Variants in CCDC88C observed in about 807,000 individuals in gnomAD.
CCDC88C encodes the protein protein Daple.
CCDC88C carries 131 observed loss-of-function variants against 198.8 expected under a neutral mutation model. The observed-to-expected ratio is 0.66, with a 90% CI of 0.57 to 0.76. The LOEUF is 0.76. CCDC88C is among the 30% of genes least tolerant of loss of function. CCDC88C has a pLI of 0.00. For synonymous variants in CCDC88C, 1,166 were observed against 1,114.7 expected (o/e 1.05, Z -0.92); for missense variants, 2,553 against 2,631.6 (o/e 0.97, Z 0.65).
chr14:91,367,582 C>G (rs1329644462), intron 3 of CCDC88C, among the ~76,000 whole-genome samples: 1 of 152,140 alleles, frequency 6.6e-6, no homozygotes, highest in African/African-American at 2.4e-5. Context: ...GCAGAGAACT[C>G]TCGGCCTGTC....
chr14:91,376,998 C>T (rs1027406063), intron 3 of CCDC88C, among the ~76,000 whole-genome samples: 4 of 151,912 alleles, frequency 2.6e-5, no homozygotes, highest in South Asian at 2.1e-4. Flanking sequence ...GCCCGCCCCC[C>T]CTCCCTAACC....
At position 91,303,786 on chromosome 14, in the gene CCDC88C, C is replaced by T. The variant is rs771732363; in HGVS notation, c.3550G>A (p.Glu1184Lys). 13 of 1,613,320 alleles carry T rather than the reference C, an allele frequency of 8.1e-6. No homozygotes were observed. Among genetic ancestry groups the T allele is most frequent in the South Asian group, 6.6e-5 (6 of 91,074 alleles). The change falls in exon 20 of 30, where the codon GAG becomes AAG. Residue 1184 changes from glutamate (E) to lysine (K), a missense_variant. This residue lies in a region of CCDC88C where 1,293 missense variants were observed against 1,219.6 expected (regional missense o/e 1.06). Coordinates refer to ENST00000389857, the MANE Select transcript of CCDC88C (RefSeq NM_001080414.4). ...LGTLHERQSA[E>K]YEALIRQHSC... The stretch of plus-strand genomic sequence containing the variant: ...TGCTGGCGGATGAGGGCCTCGTACT[C>T]GGCCGATTGCCGCTCGTGCAGCGTG...
chr14:91,417,770 A>G lies in CCDC88C; in HGVS notation c.-80T>C. 4.7e-6 allele frequency: 5 copies of G among 1,071,436 alleles called. No homozygotes were observed. The highest frequency in any genetic ancestry group is 6.0e-6 in the Non-Finnish European group (5 of 837,852). 66.4% of individuals were successfully genotyped at this position (1,071,436 alleles called of 1,614,324 possible). ...GCGCCGCGGCACAAAACGGCTCCGC[A>G]GCGAGCAGCGGGCGCGGGGCTGCGG... On this transcript the variant is annotated 5_prime_UTR_variant, in exon 1 of 30. Transcript: ENST00000389857.
Position 91,273,406 on chromosome 14 carries a change from C to A in CCDC88C, c.5306G>T (p.Arg1769Ile). 1 of 1,550,198 alleles carries A rather than the reference C, an allele frequency of 6.5e-7. No individual in the cohort carries two copies. The highest frequency in any genetic ancestry group is 1.2e-5 in the South Asian group (1 of 82,352). The change falls in exon 30 of 30, where the codon AGA becomes ATA. Residue 1769 changes from arginine to isoleucine, a missense_variant. Around this residue, in one of 2 missense-constraint regions of CCDC88C, gnomAD observed 1,293 missense variants for 1,219.6 expected, o/e 1.06. Coordinates refer to ENST00000389857, the MANE Select transcript of CCDC88C (RefSeq NM_001080414.4). The surrounding 1 kb of genome is among the most constrained non-coding windows in gnomAD (Gnocchi z 5.6). ...EAEAPPSVAP[R>I]QAQPPQSLSL... is the part of the protein sequence containing the mutation. ...CAGGCTCTGGGGAGGCTGGGCCTGT[C>A]TCGGGGCCACGCTGGGTGGGGCCTC... is the stretch of plus-strand genomic sequence containing the variant.
At chr14:91,355,098 G>A (rs1044817081) in intron 4 of CCDC88C, among the ~76,000 whole-genome samples, 20 of 152,280 alleles carry the variant, frequency 1.3e-4, no homozygotes, top group Non-Finnish European at 2.6e-4. Context: ...TGGGCTGCTC[G>A]GGCTGCCATG....
intron 2 of CCDC88C, 85 bp downstream of exon 2, chr14:91,416,653 C>T (rs1293445779): frequency 2.0e-6 from 2 of 1,005,212 alleles, no homozygotes; most frequent in East Asian, 2.6e-5. Flanking sequence ...CACACACACC[C>T]CGCCATGCAA....
chr14:91,291,963 A>G (rs941100387), intron 23 of CCDC88C, among the ~76,000 whole-genome samples: 3 of 152,154 alleles, frequency 2.0e-5, no homozygotes, highest in East Asian at 1.9e-4. Context: ...CGCGCTGCCC[A>G]TGGTACTGAG....
At chr14:91,312,344 C>T (rs556127126) in intron 15 of CCDC88C, among the ~76,000 whole-genome samples, 2 of 152,114 alleles carry the variant, frequency 1.3e-5, no homozygotes, top group South Asian at 2.1e-4. Flanking sequence ...GCTGGGGTCA[C>T]ACCACTGCAC....
chr14:91,286,992 G>T (rs902486674), intron 25 of CCDC88C, among the ~76,000 whole-genome samples: 1 of 152,206 alleles, frequency 6.6e-6, no homozygotes, highest in Non-Finnish European at 1.5e-5. Context: ...GAGCACCCAA[G>T]ACATGGTGGC....
intron 18 of CCDC88C, among the ~76,000 whole-genome samples, 177 bp downstream of exon 18, chr14:91,306,861 G>T (rs367913869): frequency 1.7e-3 from 259 of 152,330 alleles, no homozygotes; most frequent in African/African-American, 6.0e-3. Flanking sequence ...TGAGAATCAC[G>T]GAAGGGACCT....
At chr14:91,359,580 G>A (rs1266778895) in intron 4 of CCDC88C, 62 bp downstream of exon 4, 3 of 1,357,916 alleles carry the variant, frequency 2.2e-6, no homozygotes, top group East Asian at 4.8e-5. Flanking sequence ...ATGGCCAGCA[G>A]CTGCCCAACG....
rs1315738875 is a variant in CCDC88C, at chr14:91,284,374, T to G, written c.4442-857A>C. On this transcript the variant is annotated intron_variant, in intron 25 of 29. Coordinates refer to ENST00000389857, the MANE Select transcript of CCDC88C (RefSeq NM_001080414.4). The surrounding 1 kb of genome is among the most constrained non-coding windows in gnomAD (Gnocchi z 4.1). Reference sequence around the variant, plus strand: ...TCTGGGCTCACTGTGCAGTTTTAAGTGCCCAGAGCTGATGATTTGAAATCA... The same window carrying G: ...TCTGGGCTCACTGTGCAGTTTTAAGGGCCCAGAGCTGATGATTTGAAATCA... 6.6e-6 allele frequency among the ~76,000 whole-genome samples: 1 copy of G among 152,204 alleles called. No homozygotes were observed. Among genetic ancestry groups the G allele is most frequent in the East Asian group, 1.9e-4 (1 of 5,196 alleles).
In CCDC88C at chr14:91,278,222, G is replaced by A. The variant is rs753718761; in HGVS notation, c.4769-11C>T. 2 of 1,585,038 alleles carry A rather than the reference G, an allele frequency of 1.3e-6. No homozygotes were observed. The highest frequency in any genetic ancestry group is 8.6e-7 in the Non-Finnish European group (1 of 1,162,062). On this transcript the variant is annotated splice_polypyrimidine_tract_variant and intron_variant, in intron 28 of 29. Transcript: ENST00000389857. The stretch of plus-strand genomic sequence containing the variant: ...GCTGCTCGGAGGAGCCTGGGTGTCA[G>A]GGCAGGAGACAGAGGACCCTCATCA...
At chr14:91,359,543 C>T in intron 4 of CCDC88C, 99 bp downstream of exon 4, 1 of 894,564 alleles carries the variant, frequency 1.1e-6, no homozygotes, top group Non-Finnish European at 1.8e-6. Flanking sequence ...TTTCACTGTG[C>T]TGGCCCAAGC....
chr14:91,379,968 G>C, intron 3 of CCDC88C: 9 of 698,372 alleles, frequency 1.3e-5, no homozygotes, highest in Non-Finnish European at 2.1e-5. Context: ...TATCGAAAGG[G>C]GTAAAACTGT....
chr14:91,360,074 G>A (rs1894238031), intron 3 of CCDC88C, among the ~76,000 whole-genome samples: 1 of 152,146 alleles, frequency 6.6e-6, no homozygotes, highest in Admixed American at 6.5e-5. Context: ...GCAGTATGAT[G>A]TTTCTTTTTT....
intron 3 of CCDC88C, among the ~76,000 whole-genome samples, chr14:91,389,739 G>A (rs1415709240): frequency 7.0e-6 from 1 of 142,084 alleles, no homozygotes; most frequent in Non-Finnish European, 1.5e-5. Context: ...AAAAAAAAAA[G>A]AAAGAAAAAG....
At position 91,325,213 on chromosome 14, in the gene CCDC88C, C is replaced by A. The variant is rs1028510607; in HGVS notation, c.1198-290G>T. ...TGACATACTGCACAGGGCTTTAAAGCAAGTGTGCAGTGATGGGCAGCTCTG... is the reference window on the plus strand; with the variant it reads ...TGACATACTGCACAGGGCTTTAAAGAAAGTGTGCAGTGATGGGCAGCTCTG... On this transcript the variant is annotated intron_variant, in intron 11 of 29. Transcript: ENST00000389857. This position sits in a 1 kb window ranked among gnomAD's most constrained non-coding sequence, Gnocchi z 4.1. Among the ~76,000 whole-genome samples, 1 of 152,214 alleles carries A rather than the reference C, an allele frequency of 6.6e-6. No homozygotes were observed. Among genetic ancestry groups the A allele is most frequent in the Non-Finnish European group, 1.5e-5 (1 of 68,036 alleles).
At chr14:91,351,067 T>C (rs1038513169) in intron 4 of CCDC88C, among the ~76,000 whole-genome samples, 1 of 152,142 alleles carries the variant, frequency 6.6e-6, no homozygotes, top group African/African-American at 2.4e-5. Context: ...GCAGGTTGTT[T>C]AACCAGCGTT....
Sources: allele counts gnomAD v4.1 joint callset (sites outside exome capture counted in the v4.1 genomes callset), GRCh38; gene constraint gnomAD v4.1.1; regional missense constraint gnomAD v4.1.1; non-coding constraint Gnocchi (gnomAD v3.1); transcripts MANE v1.5; gene names NCBI Gene and HGNC (gene_info 2026-07-23, HGNC 2026-07-21).